The following CDC14A variants were observed in gnomAD, a reference collection of about 807,000 sequenced individuals.
CDC14A encodes dual specificity protein phosphatase CDC14A.
In CDC14A, 53 loss-of-function variants were observed where a neutral mutation model predicts 74.4. That is an observed-to-expected ratio of 0.71 (90% confidence interval 0.57 to 0.89). CDC14A has a LOEUF of 0.89. CDC14A is among the 40% of genes least tolerant of loss of function. The pLI, the probability that CDC14A is intolerant of heterozygous loss-of-function variation, is 0.00. For synonymous variants in CDC14A, 247 were observed against 258.4 expected (o/e 0.96, Z 0.43); for missense variants, 646 against 713.7 (o/e 0.91, Z 1.08).
chr1:100,431,958 CAG>C, intron 5 of CDC14A, among the ~76,000 whole-genome samples: 1 of 152,244 alleles, frequency 6.6e-6, no homozygotes, highest in Non-Finnish European at 1.5e-5. Context: ...TAGTTCTAGA[CAG>C]ATTTTATTCT....
At chr1:100,445,816 A>G (rs1665485302) in intron 7 of CDC14A, among the ~76,000 whole-genome samples, 1 of 152,170 alleles carries the variant, frequency 6.6e-6, no homozygotes, top group Admixed American at 6.5e-5. Flanking sequence ...TTTGGTGAAG[A>G]CTTGATGTTG....
chr1:100,353,912 A>G (rs1355393829), intron 2 of CDC14A, 60 bp downstream of exon 2: 1 of 914,294 alleles, frequency 1.1e-6, no homozygotes, highest in Non-Finnish European at 1.7e-6. Flanking sequence ...TGACGAGGAA[A>G]CACTATGCAC....
chr1:100,499,185 G>C lies in CDC14A; in HGVS notation c.1678G>C (p.Glu560Gln). The C allele has an allele frequency of 6.2e-7, 1 of 1,614,092 alleles. No homozygotes were observed. Among genetic ancestry groups the C allele is most frequent in the South Asian group, 1.1e-5 (1 of 91,066 alleles). The change falls in exon 15 of 16, where the codon GAG (glutamate) becomes CAG (glutamine). Residue 560 changes from glutamate to glutamine, a missense_variant. Coordinates refer to ENST00000336454, the MANE Select transcript of CDC14A (RefSeq NM_003672.4). Reference protein sequence around the residue: ...PPGPHSAKTEEHTTILRPSYT... With the variant: ...PPGPHSAKTEQHTTILRPSYT... ...AGGCCCCCACAGCGCCAAGACAGAG[G>C]AGCACACCACCATCCTCCGACCCTC...
At chr1:100,405,086 G>A (rs1406724939) in intron 4 of CDC14A, among the ~76,000 whole-genome samples, 7 of 152,154 alleles carry the variant, frequency 4.6e-5, no homozygotes, top group African/African-American at 1.7e-4. Flanking sequence ...TAGTGGGCCT[G>A]CTTTGGGAAA....
At position 100,368,492 on chromosome 1, in the gene CDC14A, C is replaced by A. The variant is rs182492811; in HGVS notation, c.141-9054C>A. 8.1e-4 allele frequency among the ~76,000 whole-genome samples: 123 copies of A among 152,324 alleles called. 1 individual carries two copies. The highest frequency in any genetic ancestry group is 2.8e-3 in the African/African-American group (118 of 41,576). ...CAAAAGTACATGTGGCTAAGCCAAT[C>A]TGATTGTTAGAAATTGTACATCTTT... On this transcript the variant is annotated intron_variant, in intron 2 of 15. Transcript: ENST00000336454.
chr1:100,399,712 A>C (rs888629389), intron 4 of CDC14A, among the ~76,000 whole-genome samples: 1 of 152,132 alleles, frequency 6.6e-6, no homozygotes, highest in African/African-American at 2.4e-5. Flanking sequence ...CTCCATTAAA[A>C]AAGTAAGTTA....
chr1:100,377,412 A>T, intron 2 of CDC14A, 134 bp from the exon 3 acceptor site: 2 of 656,056 alleles, frequency 3.0e-6, no homozygotes, highest in Non-Finnish European at 5.3e-6. Flanking sequence ...TATTTGGATT[A>T]TACCATGGAT....
intron 9 of CDC14A, among the ~76,000 whole-genome samples, chr1:100,466,830 A>G (rs1374459616): frequency 7.2e-6 from 1 of 139,466 alleles, no homozygotes; most frequent in Admixed American, 8.3e-5. Context: ...AGATCGCACT[A>G]TTGCATTCCA....
intron 11 of CDC14A, among the ~76,000 whole-genome samples, chr1:100,489,379 C>T (rs1670384748): frequency 6.6e-6 from 1 of 152,152 alleles, no homozygotes; most frequent in African/African-American, 2.4e-5. Context: ...GTGCTATATT[C>T]TATCTCATAG....
Position 100,352,607 on chromosome 1 carries a change from T to C in CDC14A, c.-348T>C. ...GAAGTCTCCTCCTCCATGATCACTT[T>C]GGAAGCCGGGGGAAGACTTTGCCCT... On this transcript the variant is annotated 5_prime_UTR_variant, in exon 1 of 16. Coordinates refer to ENST00000336454, the MANE Select transcript of CDC14A (RefSeq NM_003672.4). 1 of 1,145,142 alleles carries C rather than the reference T, an allele frequency of 8.7e-7. No individual in the cohort carries two copies. Among genetic ancestry groups the C allele is most frequent in the Non-Finnish European group, 1.1e-6 (1 of 930,182 alleles). 70.9% of individuals were successfully genotyped at this position (1,145,142 alleles called of 1,614,324 possible). A position where few individuals can be genotyped will look rare whatever the true frequency, so the allele number is the denominator to read the frequency against.
At chr1:100,415,926 T>C (rs1401049349) in intron 4 of CDC14A, among the ~76,000 whole-genome samples, 1 of 152,198 alleles carries the variant, frequency 6.6e-6, no homozygotes, top group Non-Finnish European at 1.5e-5. Flanking sequence ...AGTCACTGGA[T>C]ATAATGGGAG....
chr1:100,416,431 G>A (rs989247480), intron 4 of CDC14A, among the ~76,000 whole-genome samples: 1 of 152,138 alleles, frequency 6.6e-6, no homozygotes, highest in African/African-American at 2.4e-5. Flanking sequence ...AGGGACCAGT[G>A]GCATTTATTT....
chr1:100,351,238 G>C (rs989804818), upstream of CDC14A, among the ~76,000 whole-genome samples: 1 of 151,396 alleles, frequency 6.6e-6, no homozygotes, highest in Non-Finnish European at 1.5e-5. Flanking sequence ...AACAAAACCT[G>C]CAATTGGCCC....
chr1:100,369,794 A>G (rs1174318717), intron 2 of CDC14A, among the ~76,000 whole-genome samples: 2 of 151,274 alleles, frequency 1.3e-5, no homozygotes, highest in Non-Finnish European at 2.9e-5. Flanking sequence ...TGAGGCCGAT[A>G]TTTAGAATGG....
chr1:100,509,436 G>T (rs1298864210), intron 15 of CDC14A, among the ~76,000 whole-genome samples: 3 of 152,122 alleles, frequency 2.0e-5, no homozygotes, highest in Non-Finnish European at 4.4e-5. Context: ...AAAGCATCTG[G>T]CATTGAGCTA....
intron 4 of CDC14A, among the ~76,000 whole-genome samples, chr1:100,417,955 C>T (rs1486195276): frequency 6.6e-6 from 1 of 152,190 alleles, no homozygotes; most frequent in Non-Finnish European, 1.5e-5. Context: ...AAGCTTTCCA[C>T]TTTAGTCTAA....
chr1:100,455,906 T>C (rs1300232266), intron 8 of CDC14A, among the ~76,000 whole-genome samples: 1 of 152,246 alleles, frequency 6.6e-6, no homozygotes, highest in East Asian at 1.9e-4. Context: ...ATCTGTCATT[T>C]ACTGAATACT....
intron 5 of CDC14A, among the ~76,000 whole-genome samples, chr1:100,439,324 C>T (rs973016385): frequency 3.3e-5 from 5 of 152,024 alleles, no homozygotes; most frequent in African/African-American, 1.2e-4. Context: ...CATGAAAACA[C>T]CTGCTAGGTT....
intron 10 of CDC14A, among the ~76,000 whole-genome samples, chr1:100,473,547 C>T (rs537745578): frequency 5.9e-5 from 9 of 152,074 alleles, no homozygotes; most frequent in South Asian, 2.1e-4. Flanking sequence ...CCACCACGCC[C>T]GGCTAATTTT....
Sources: gnomAD v4.1 joint callset for allele counts (sites outside exome capture counted in the v4.1 genomes callset) on GRCh38, gnomAD v4.1.1 for gene constraint, MANE v1.5 for transcripts, NCBI Gene and HGNC (gene_info 2026-07-23, HGNC 2026-07-21) for gene names.